Variants in MNAT1 observed in about 807,000 individuals in gnomAD.
MNAT1 encodes the protein CDK-activating kinase assembly factor MAT1.
A neutral mutation model predicts 42.0 loss-of-function variants in MNAT1; 43 were observed. That is an observed-to-expected ratio of 1.02 (90% CI 0.80 to 1.32). The LOEUF (loss-of-function observed/expected upper bound fraction) is 1.32. Ranked by LOEUF, MNAT1 falls within the 40% of genes most tolerant of loss-of-function variation. MNAT1 has a pLI of 0.00. For missense variants in MNAT1, 306 were observed against 350.4 expected (o/e 0.87, Z 1.01); for synonymous variants, 118 against 120.0 (o/e 0.98, Z 0.11).
chr14:60,959,510 C>T (rs1309778250), intron 7 of MNAT1, among the ~76,000 whole-genome samples: 1 of 101,332 alleles, frequency 9.9e-6, no homozygotes, highest in African/African-American at 3.6e-5. Context: ...TCATCCTGCT[C>T]TCCATTGCCA....
At chr14:60,747,129 T>C (rs572783099) in intron 1 of MNAT1, among the ~76,000 whole-genome samples, 43 of 149,968 alleles carry the variant, frequency 2.9e-4, no homozygotes, top group African/African-American at 3.9e-4. Context: ...GGACTACAGG[T>C]GCCCGCCACC....
chr14:60,840,107 A>G (rs1283395512), intron 6 of MNAT1, among the ~76,000 whole-genome samples: 1 of 152,256 alleles, frequency 6.6e-6, no homozygotes, highest in African/African-American at 2.4e-5. Flanking sequence ...CAAGTTTTAA[A>G]TTACAGATAT....
At chr14:60,945,817 T>G (rs372218020) in intron 7 of MNAT1, among the ~76,000 whole-genome samples, 14 of 152,282 alleles carry the variant, frequency 9.2e-5, no homozygotes, top group Admixed American at 5.2e-4. Context: ...ATACGGTGGC[T>G]TCTTCTCTCA....
At chr14:60,754,066 A>C (rs2030222057) in intron 1 of MNAT1, 1 of 152,224 alleles carries the variant, frequency 6.6e-6, no homozygotes, top group African/African-American at 2.4e-5. Flanking sequence ...TCAGTGAGCC[A>C]TCTTAGTCTT....
At chr14:60,901,827 A>G (rs1222893156) in intron 7 of MNAT1, among the ~76,000 whole-genome samples, 1 of 152,210 alleles carries the variant, frequency 6.6e-6, no homozygotes, top group African/African-American at 2.4e-5. Context: ...ATGAGTAAAG[A>G]AAGTGGTTTC....
At chr14:60,858,611 A>C (rs575823188) in intron 6 of MNAT1, among the ~76,000 whole-genome samples, 1 of 152,160 alleles carries the variant, frequency 6.6e-6, no homozygotes, top group Non-Finnish European at 1.5e-5. Context: ...AAACAGCATC[A>C]TGTGCTACAG....
At chr14:60,868,520 C>G (rs1216442686) in intron 6 of MNAT1, among the ~76,000 whole-genome samples, 1 of 152,106 alleles carries the variant, frequency 6.6e-6, no homozygotes, top group Non-Finnish European at 1.5e-5. Context: ...ACACTACCAT[C>G]TTTTTTGTTG....
chr14:60,824,823 A>G (rs1208643560), intron 6 of MNAT1, among the ~76,000 whole-genome samples: 1 of 152,172 alleles, frequency 6.6e-6, no homozygotes, highest in Non-Finnish European at 1.5e-5. Flanking sequence ...TATTTTTCGT[A>G]GTTAGATATA....
intron 6 of MNAT1, among the ~76,000 whole-genome samples, chr14:60,823,439 GA>G (rs967552302): frequency 1.3e-5 from 2 of 151,874 alleles, no homozygotes; most frequent in Admixed American, 6.6e-5. Flanking sequence ...ATTTGGAGAG[GA>G]AAAAAAATTT....
chr14:60,802,193 TTTA>T (rs2032225348), intron 3 of MNAT1, among the ~76,000 whole-genome samples: 2 of 152,162 alleles, frequency 1.3e-5, no homozygotes, highest in African/African-American at 4.8e-5. Flanking sequence ...GGCAGTATTT[TTTA>T]TTATTTTGTT....
At chr14:60,909,108 G>A (rs1430480395) in intron 7 of MNAT1, among the ~76,000 whole-genome samples, 1 of 152,342 alleles carries the variant, frequency 6.6e-6, no homozygotes, top group East Asian at 1.9e-4. Flanking sequence ...TCTGTTGGCT[G>A]CATAAATCTC....
chr14:60,784,140 G>T (rs1369799731), intron 1 of MNAT1, among the ~76,000 whole-genome samples: 3 of 146,364 alleles, frequency 2.0e-5, no homozygotes, highest in African/African-American at 7.7e-5. Context: ...AGCCTCCCTA[G>T]TAGCTGGGAT....
At chr14:60,961,694 C>T (rs4151400) in intron 7 of MNAT1, among the ~76,000 whole-genome samples, 138,588 of 152,228 alleles carry the variant, frequency 0.91, 63,710 homozygotes, top group Non-Finnish European at 0.99. Flanking sequence ...TGTTCTCTGT[C>T]TTATTATCAG....
At chr14:60,910,573 A>G (rs7150631) in intron 7 of MNAT1, among the ~76,000 whole-genome samples, 139,511 of 152,216 alleles carry the variant, frequency 0.92, 64,607 homozygotes, top group Non-Finnish European at 0.99. Context: ...TTCTGCATCT[A>G]TTGAGATAAT....
chr14:60,868,049 C>G (rs1047901909), intron 6 of MNAT1, among the ~76,000 whole-genome samples: 3 of 152,094 alleles, frequency 2.0e-5, no homozygotes, highest in Non-Finnish European at 2.9e-5. Flanking sequence ...AAAAATCTCT[C>G]TGCTTGCTTC....
chr14:60,958,100 G>A (rs1276178937), intron 7 of MNAT1, among the ~76,000 whole-genome samples: 1 of 152,112 alleles, frequency 6.6e-6, no homozygotes, highest in Non-Finnish European at 1.5e-5. Flanking sequence ...CCCTCCCAAA[G>A]TGCTGGGATT....
At chr14:60,901,459 G>C (rs1232829048) in intron 7 of MNAT1, among the ~76,000 whole-genome samples, 1 of 152,120 alleles carries the variant, frequency 6.6e-6, no homozygotes, top group Non-Finnish European at 1.5e-5. Context: ...TTTCAGTCTT[G>C]TTATTTAAAT....
chr14:60,746,146 G>C lies in MNAT1; in HGVS notation c.89+11195G>C, dbSNP rs1896607817. ...AGTTATAGGCCAGCCATTTAACTTTGGTTTGTTCACTTGTTTATAATAGGT... is the reference window on the plus strand; with the variant it reads ...AGTTATAGGCCAGCCATTTAACTTTCGTTTGTTCACTTGTTTATAATAGGT... On this transcript the variant is annotated intron_variant, in intron 1 of 7. Transcript: ENST00000261245. 3.3e-5 allele frequency among the ~76,000 whole-genome samples: 5 copies of C among 152,030 alleles called. No homozygotes were observed. In the South Asian group the frequency reaches 1.0e-3, roughly 32 times the overall value.
chr14:60,811,427 C>T (rs1045499898), intron 4 of MNAT1, among the ~76,000 whole-genome samples: 1 of 151,180 alleles, frequency 6.6e-6, no homozygotes, highest in Non-Finnish European at 1.5e-5. Context: ...CTCAGCCTCC[C>T]GAGTAGCTGG....
Sources: gnomAD v4.1 joint callset for allele counts (sites outside exome capture counted in the v4.1 genomes callset) on GRCh38, gnomAD v4.1.1 for gene constraint, MANE v1.5 for transcripts, NCBI Gene and HGNC (gene_info 2026-07-23, HGNC 2026-07-21) for gene names.